The following RADX variants were observed in gnomAD, a reference collection of about 807,000 sequenced individuals.
RADX encodes the protein RPA-related protein RADX.
A neutral mutation model predicts 61.6 loss-of-function variants in RADX; 36 were observed. That is an observed-to-expected ratio of 0.58 (90% CI 0.45 to 0.77). RADX has a LOEUF of 0.77. Ranked by LOEUF, RADX falls within the 30% of genes least tolerant of loss-of-function variation. The pLI is 0.00. For synonymous variants in RADX, 272 were observed against 237.9 expected (o/e 1.14, Z -1.32); for missense variants, 497 against 651.1 (o/e 0.76, Z 2.58).
At chrX:106,652,695 GCACACA>G (rs112557092) in intron 11 of RADX, among the ~76,000 whole-genome samples, 1,139 of 96,988 alleles carry the variant, frequency 0.012, 15 homozygotes, top group African/African-American at 0.04. Flanking sequence ...ATCATTAAAT[GCACACA>G]CACACACACA....
chrX:106,628,786 C>G (rs1358572335), intron 3 of RADX, among the ~76,000 whole-genome samples: 1 of 110,068 alleles, frequency 9.1e-6, no homozygotes, highest in Non-Finnish European at 1.9e-5. Flanking sequence ...AGGCGCCCAC[C>G]ACCATGCCAG....
intron 1 of RADX, among the ~76,000 whole-genome samples, chrX:106,614,217 T>G (rs1267504036): frequency 1.8e-5 from 2 of 111,789 alleles, no homozygotes; most frequent in Non-Finnish European, 3.8e-5. Flanking sequence ...CCTAGTGCCT[T>G]CACCTTTCTT....
chrX:106,647,214 C>T (rs1927679679), intron 10 of RADX, among the ~76,000 whole-genome samples: 1 of 111,212 alleles, frequency 9.0e-6, no homozygotes, highest in Admixed American at 9.6e-5. Context: ...TAATTTTTAG[C>T]TCCCACAAAT....
chrX:106,612,323 T>C lies in RADX; in HGVS notation c.243T>C (p.Asp81=). The C allele has an allele frequency of 8.3e-7, 1 of 1,211,746 alleles. No homozygotes were observed. Among genetic ancestry groups the C allele is most frequent in the East Asian group, 3.0e-5 (1 of 33,812 alleles). The change falls in exon 1 of 14, where the codon GAT becomes GAC. Residue 81 remains aspartate, a synonymous_variant. Coordinates refer to ENST00000372548, the MANE Select transcript of RADX (RefSeq NM_018015.6). ...VLAVQRYLLE[D]EPRDTVPKPP... ...CCGTCCAGAGGTACCTGTTAGAGGATGAGCCACGCGACACGGTGCCCAAGC... is the reference window on the plus strand; with the variant it reads ...CCGTCCAGAGGTACCTGTTAGAGGACGAGCCACGCGACACGGTGCCCAAGC...
At chrX:106,671,740 G>C (rs1194069255) in intron 13 of RADX, among the ~76,000 whole-genome samples, 1 of 111,418 alleles carries the variant, frequency 9.0e-6, no homozygotes, top group Non-Finnish European at 1.9e-5. Flanking sequence ...TTATTATTTT[G>C]ATTTGCATTT....
intron 8 of RADX, among the ~76,000 whole-genome samples, chrX:106,638,973 T>A (rs928827499): frequency 1.8e-5 from 2 of 111,718 alleles, no homozygotes; most frequent in African/African-American, 6.5e-5. Context: ...ATAAATGAGA[T>A]GCTGAATTTG....
At chrX:106,658,887 T>C (rs968489234) in intron 11 of RADX, among the ~76,000 whole-genome samples, 4 of 111,298 alleles carry the variant, frequency 3.6e-5, no homozygotes, top group Non-Finnish European at 7.5e-5. Flanking sequence ...AAAAGTCCGT[T>C]ATATACTTGC....
intron 11 of RADX, among the ~76,000 whole-genome samples, chrX:106,648,620 T>C (rs1255200681): frequency 3.8e-5 from 4 of 106,382 alleles, no homozygotes; most frequent in African/African-American, 1.5e-4. Context: ...AGTAATAGTA[T>C]ATCTCTTCAA....
chrX:106,630,345 CAA>C (rs1172087905), intron 3 of RADX, among the ~76,000 whole-genome samples: 3 of 80,394 alleles, frequency 3.7e-5, no homozygotes, highest in African/African-American at 3.9e-5. Context: ...AACAAACAAA[CAA>C]AAAAAAAAAA....
intron 1 of RADX, among the ~76,000 whole-genome samples, chrX:106,619,755 A>G (rs1353678041): frequency 1.9e-5 from 2 of 107,334 alleles, no homozygotes. Flanking sequence ...AACAATTTTT[A>G]TTTGTGTGTA....
chrX:106,638,142 T>C, intron 8 of RADX: 1 of 308,696 alleles, frequency 3.2e-6, no homozygotes, highest in Non-Finnish European at 5.6e-6. Context: ...CTCTAAAGAT[T>C]AATACTTTGA....
At chrX:106,629,654 A>G (rs1367746551) in intron 3 of RADX, among the ~76,000 whole-genome samples, 2 of 111,916 alleles carry the variant, frequency 1.8e-5, no homozygotes, top group East Asian at 5.6e-4. Flanking sequence ...AGACTAGACT[A>G]GAAAGTATAT....
chrX:106,638,123 C>G, intron 8 of RADX, 199 bp downstream of exon 8: 1 of 370,020 alleles, frequency 2.7e-6, no homozygotes, highest in Non-Finnish European at 4.7e-6. Flanking sequence ...CCCTATATCT[C>G]GCATGGTGCT....
chrX:106,623,890 GT>G (rs1927013908), intron 2 of RADX, among the ~76,000 whole-genome samples: 1 of 111,099 alleles, frequency 9.0e-6, no homozygotes, highest in East Asian at 2.8e-4. Flanking sequence ...TTCCCCGATA[GT>G]TTTTTGCCTT....
At chrX:106,676,868 A>T (rs772969385) in intron 13 of RADX, among the ~76,000 whole-genome samples, 47 of 111,321 alleles carry the variant, frequency 4.2e-4, no homozygotes, top group African/African-American at 1.4e-3. Flanking sequence ...TTCTGACCAT[A>T]TGTCTGCCCT....
chrX:106,669,095 C>G, intron 12 of RADX, 68 bp from the exon 13 acceptor site: 1 of 885,487 alleles, frequency 1.1e-6, no homozygotes, highest in Middle Eastern at 4.0e-4. Flanking sequence ...ATCAAACCAG[C>G]AAACTCGGCA....
rs779364039 is a variant in RADX, at chrX:106,637,836, C to A, written c.1485C>A (p.Ser495=). 8.3e-7 allele frequency: 1 copy of A among 1,206,759 alleles called. No individual in the cohort carries two copies. The highest frequency in any genetic ancestry group is 1.7e-5 in the African/African-American group (1 of 57,495). The change falls in exon 8 of 14, where the codon TCC becomes TCA. Residue 495 remains serine, a synonymous_variant. Coordinates refer to ENST00000372548, the MANE Select transcript of RADX (RefSeq NM_018015.6). ...FIQWIRTKSD[S]GEQKNMVIGG... ...AATGGATTAGAACAAAGTCTGATTC[C>A]GGGGAACAGAAGAATATGGTTATTG...
At chrX:106,648,178 A>G (rs1927709554) in intron 10 of RADX, 135 bp from the exon 11 acceptor site, 2 of 374,097 alleles carry the variant, frequency 5.3e-6, no homozygotes, top group African/African-American at 5.3e-5. Context: ...ATGTTAATGT[A>G]TTATTCAACA....
intron 13 of RADX, among the ~76,000 whole-genome samples, chrX:106,672,176 A>G (rs1928381042): frequency 8.9e-6 from 1 of 111,918 alleles, no homozygotes; most frequent in African/African-American, 3.2e-5. Context: ...ACCATTTTAT[A>G]TGTACTATTC....
Sources: gnomAD v4.1 joint callset for allele counts (sites outside exome capture counted in the v4.1 genomes callset) on GRCh38, gnomAD v4.1.1 for gene constraint, MANE v1.5 for transcripts, NCBI Gene and HGNC (gene_info 2026-07-23, HGNC 2026-07-21) for gene names.